The following MEF2C variants were observed in gnomAD, a reference collection of about 807,000 sequenced individuals.
The protein encoded by MEF2C is myocyte-specific enhancer factor 2C.
MEF2C carries 6 observed loss-of-function variants against 50.5 expected under a neutral mutation model. That is an observed-to-expected ratio of 0.12 (90% CI 0.07 to 0.23). MEF2C has a LOEUF of 0.23. MEF2C is among the 10% of genes least tolerant of loss of function. The pLI, the probability that MEF2C is intolerant of heterozygous loss-of-function variation, is 1.00. For missense variants in MEF2C, 276 were observed against 605.0 expected (o/e 0.46, Z 5.70); for synonymous variants, 183 against 228.0 (o/e 0.80, Z 1.78).
At chr5:88,750,206 G>A (rs1772025290) in intron 5 of MEF2C, 3 of 514,182 alleles carry the variant, frequency 5.8e-6, no homozygotes, top group South Asian at 8.6e-5. Flanking sequence ...ATATATACAC[G>A]ATTTTTTTTT....
At chr5:88,879,294 C>G (rs1832075029) in intron 1 of MEF2C, among the ~76,000 whole-genome samples, 1 of 151,166 alleles carries the variant, frequency 6.6e-6, no homozygotes, top group African/African-American at 2.4e-5. Context: ...TTATGTAAAC[C>G]AAAACTTTAT....
At chr5:88,809,154 G>A (rs1581051038) in intron 2 of MEF2C, among the ~76,000 whole-genome samples, 1 of 151,926 alleles carries the variant, frequency 6.6e-6, no homozygotes, top group East Asian at 1.9e-4. Context: ...TTTTATAGTG[G>A]CCCTGACTTT....
intron 1 of MEF2C, chr5:88,824,404 TAGG>T: frequency 1.1e-6 from 1 of 937,584 alleles, no homozygotes; most frequent in Non-Finnish European, 1.3e-6. Flanking sequence ...GTTATGCAAA[TAGG>T]ATGGACGATT....
intron 1 of MEF2C, among the ~76,000 whole-genome samples, chr5:88,899,437 TC>T (rs1352858838): frequency 6.6e-6 from 1 of 152,140 alleles, no homozygotes; most frequent in Admixed American, 6.6e-5. Context: ...AAACTTACTT[TC>T]CTATGATTTG....
intron 3 of MEF2C, among the ~76,000 whole-genome samples, chr5:88,796,288 A>G (rs1254177507): frequency 2.0e-5 from 3 of 152,144 alleles, no homozygotes; most frequent in Non-Finnish European, 4.4e-5. Flanking sequence ...TTTGGTTGGT[A>G]GCCTATTAAT....
chr5:88,821,445 A>G (rs538539686), intron 2 of MEF2C, among the ~76,000 whole-genome samples: 3 of 151,958 alleles, frequency 2.0e-5, no homozygotes, highest in South Asian at 4.1e-4. Context: ...ACTTTTTAAA[A>G]TAAGAGATTG....
At chr5:88,773,971 T>C (rs1783612645) in intron 3 of MEF2C, among the ~76,000 whole-genome samples, 1 of 152,234 alleles carries the variant, frequency 6.6e-6, no homozygotes, top group African/African-American at 2.4e-5. Flanking sequence ...AATGGGTAGA[T>C]GGTTGCTGGT....
intron 6 of MEF2C, chr5:88,741,444 T>C (rs1366551459): frequency 3.0e-6 from 3 of 985,244 alleles, no homozygotes; most frequent in Non-Finnish European, 3.6e-6. Context: ...ATACTTTCCT[T>C]GGTTGTTTTA....
chr5:88,738,575 G>C (rs926226158), intron 6 of MEF2C: 13 of 974,950 alleles, frequency 1.3e-5, no homozygotes, highest in African/African-American at 1.8e-5. Flanking sequence ...AGTATGTCCA[G>C]AGTCCATGCC....
At chr5:88,873,036 C>G (rs929462498) in intron 1 of MEF2C, among the ~76,000 whole-genome samples, 11 of 151,428 alleles carry the variant, frequency 7.3e-5, no homozygotes, top group African/African-American at 2.4e-4. Flanking sequence ...CACACCGATG[C>G]TCCCCACACC....
intron 3 of MEF2C, among the ~76,000 whole-genome samples, chr5:88,790,534 C>G (rs1454865215): frequency 6.6e-6 from 1 of 152,178 alleles, no homozygotes; most frequent in Non-Finnish European, 1.5e-5. Flanking sequence ...CTCCAGTAAT[C>G]AAAATACTGT....
intron 3 of MEF2C, among the ~76,000 whole-genome samples, chr5:88,762,571 TTTA>T (rs1021833919): frequency 1.5e-5 from 2 of 131,474 alleles, no homozygotes; most frequent in African/African-American, 5.1e-5. Flanking sequence ...CCTGGCCTGC[TTTA>T]TTATTATTAT....
In MEF2C at chr5:88,740,199, C is replaced by T. The variant is rs144780897; in HGVS notation, c.638-8298G>A. ...TCATATCTAGCCTATTTGTCCTTGACGTTTCTTGGGCTGTGTTTTGTTCAG... is the reference window on the plus strand; with the variant it reads ...TCATATCTAGCCTATTTGTCCTTGATGTTTCTTGGGCTGTGTTTTGTTCAG... On this transcript the variant is annotated intron_variant, in intron 6 of 10. Coordinates refer to ENST00000504921, the MANE Select transcript of MEF2C (RefSeq NM_002397.5). 165 of 982,230 alleles carry T rather than the reference C, an allele frequency of 1.7e-4. No individual in the cohort carries two copies. The South Asian group carries it at 6.2e-3, about 37-fold the overall frequency. 60.8% of individuals were successfully genotyped at this position (982,230 alleles called of 1,614,324 possible).
At chr5:88,790,532 A>G (rs1793260888) in intron 3 of MEF2C, among the ~76,000 whole-genome samples, 1 of 152,202 alleles carries the variant, frequency 6.6e-6, no homozygotes. Context: ...TTCTCCAGTA[A>G]TCAAAATACT....
chr5:88,750,054 T>G (rs1430731292), intron 5 of MEF2C: 12 of 578,210 alleles, frequency 2.1e-5, no homozygotes, highest in Non-Finnish European at 2.6e-5. Context: ...TACTTTTAGT[T>G]TTGAAAAAAA....
intron 3 of MEF2C, among the ~76,000 whole-genome samples, chr5:88,784,246 A>G (rs1441043262): frequency 6.6e-6 from 1 of 152,216 alleles, no homozygotes; most frequent in Non-Finnish European, 1.5e-5. Context: ...GACATTTCAA[A>G]TCCACAATGA....
At chr5:88,737,415 T>C in intron 6 of MEF2C, 1 of 985,418 alleles carries the variant, frequency 1.0e-6, no homozygotes, top group African/African-American at 1.7e-5. Context: ...CTTAGCTAAC[T>C]GCAAGTGGTA....
At chr5:88,739,891 A>G in intron 6 of MEF2C, 1 of 985,330 alleles carries the variant, frequency 1.0e-6, no homozygotes, top group Non-Finnish European at 1.2e-6. Context: ...TATCTTGCTA[A>G]AGACTCCTAA....
At chr5:88,737,847 A>G in intron 6 of MEF2C, 4 of 985,362 alleles carry the variant, frequency 4.1e-6, no homozygotes, top group Non-Finnish European at 4.8e-6. Flanking sequence ...CTTTATACTA[A>G]GCTTTTACCA....
Sources: gnomAD v4.1 joint callset for allele counts (sites outside exome capture counted in the v4.1 genomes callset) on GRCh38, gnomAD v4.1.1 for gene constraint, MANE v1.5 for transcripts, NCBI Gene and HGNC (gene_info 2026-07-23, HGNC 2026-07-21) for gene names.